SLC25A21: variants seen among roughly 807,000 people sequenced by gnomAD.
The protein encoded by SLC25A21 is solute carrier family 25 member 21.
SLC25A21 carries 47 observed loss-of-function variants against 43.8 expected under a neutral mutation model. The observed-to-expected ratio is 1.07, with a 90% confidence interval of 0.85 to 1.37. The LOEUF (loss-of-function observed/expected upper bound fraction) is 1.37, where lower values mean the gene tolerates loss of function less well. Among genes scored for constraint, SLC25A21 ranks in the 40% most tolerant of loss-of-function variants. The pLI, the probability that SLC25A21 is intolerant of heterozygous loss-of-function variation, is 0.00. For missense variants in SLC25A21, 352 were observed against 350.2 expected (o/e 1.00, Z -0.04); for synonymous variants, 131 against 121.3 (o/e 1.08, Z -0.52).
In SLC25A21 at chr14:36,813,908, A is replaced by C. The variant is rs1888360533; in HGVS notation, c.203+10T>G. The stretch of plus-strand genomic sequence containing the variant: ...ACATATTAAAATGGCTATATGAAGA[A>C]TATACATACCCTTCCATTTGGAAAA... On this transcript the variant is annotated intron_variant, in intron 3 of 9. Coordinates refer to ENST00000331299, the MANE Select transcript of SLC25A21 (RefSeq NM_030631.4). The C allele has an allele frequency of 2.6e-6, 4 of 1,543,868 alleles. No homozygotes were observed. Among genetic ancestry groups the C allele is most frequent in the Non-Finnish European group, 3.6e-6 (4 of 1,126,380 alleles).
At position 36,917,258 on chromosome 14, in the gene SLC25A21, C is replaced by T. The variant is rs537501063; in HGVS notation, c.71-42254G>A. 2.0e-5 allele frequency among the ~76,000 whole-genome samples: 3 copies of T among 152,202 alleles called. No individual in the cohort carries two copies. In the South Asian group the frequency reaches 6.2e-4, roughly 32 times the overall value. Reference sequence around the variant, plus strand: ...ATTCCCCTCATCCAGGCCTTCACCCCTACCCTGGCCTCTTTCTCCTAAGTG... The same window carrying T: ...ATTCCCCTCATCCAGGCCTTCACCCTTACCCTGGCCTCTTTCTCCTAAGTG... On this transcript the variant is annotated intron_variant, in intron 1 of 9. Coordinates refer to ENST00000331299, the MANE Select transcript of SLC25A21 (RefSeq NM_030631.4).
chr14:36,714,387 A>G (rs964617208), intron 6 of SLC25A21, among the ~76,000 whole-genome samples: 8 of 152,214 alleles, frequency 5.3e-5, no homozygotes, highest in African/African-American at 1.9e-4. Context: ...AGACCCAACC[A>G]AATTCAATGC....
At chr14:36,906,566 C>G (rs1891541019) in intron 1 of SLC25A21, among the ~76,000 whole-genome samples, 1 of 151,478 alleles carries the variant, frequency 6.6e-6, no homozygotes, top group Admixed American at 6.6e-5. Flanking sequence ...AGTGCAGTGG[C>G]ATGATCTCGG....
chr14:37,008,369 A>G (rs372000130), intron 1 of SLC25A21, among the ~76,000 whole-genome samples: 1 of 152,130 alleles, frequency 6.6e-6, no homozygotes, highest in African/African-American at 2.4e-5. Flanking sequence ...TTTGTATGAA[A>G]AATGTACAGG....
intron 4 of SLC25A21, among the ~76,000 whole-genome samples, chr14:36,732,819 A>G (rs1359236245): frequency 6.6e-6 from 1 of 152,232 alleles, no homozygotes; most frequent in African/African-American, 2.4e-5. Flanking sequence ...AACTAGTGCT[A>G]TCCATCTGGC....
At chr14:36,805,943 A>T (rs2138428809) in intron 3 of SLC25A21, among the ~76,000 whole-genome samples, 1 of 152,240 alleles carries the variant, frequency 6.6e-6, no homozygotes, top group South Asian at 2.1e-4. Flanking sequence ...GGCTGGGTGC[A>T]GTAGCTCACA....
intron 7 of SLC25A21, among the ~76,000 whole-genome samples, chr14:36,705,599 T>C (rs1228898424): frequency 6.6e-6 from 1 of 152,304 alleles, no homozygotes. Flanking sequence ...TCTCTGCCTC[T>C]GTCTCTGTCT....
chr14:36,729,369 T>G (rs965987799), intron 5 of SLC25A21, 138 bp downstream of exon 5: 2 of 628,928 alleles, frequency 3.2e-6, no homozygotes, highest in Non-Finnish European at 5.2e-6. Flanking sequence ...GAAGATGGCT[T>G]TCAACAAGTA....
intron 1 of SLC25A21, among the ~76,000 whole-genome samples, chr14:37,052,966 T>C (rs1383632248): frequency 2.0e-5 from 3 of 152,208 alleles, no homozygotes; most frequent in East Asian, 3.9e-4. Flanking sequence ...AGATTATTTG[T>C]CCTTTATATA....
At chr14:37,106,514 G>C (rs1386717311) in intron 1 of SLC25A21, among the ~76,000 whole-genome samples, 1 of 152,072 alleles carries the variant, frequency 6.6e-6, no homozygotes, top group Non-Finnish European at 1.5e-5. Flanking sequence ...TTTAAGGTCA[G>C]ACCGGTTCTC....
At chr14:36,993,906 C>A (rs1404038706) in intron 1 of SLC25A21, among the ~76,000 whole-genome samples, 1 of 152,040 alleles carries the variant, frequency 6.6e-6, no homozygotes, top group Non-Finnish European at 1.5e-5. Flanking sequence ...ACAACAACAA[C>A]AAAATAAGTC....
intron 1 of SLC25A21, among the ~76,000 whole-genome samples, chr14:37,157,182 C>T (rs1027613003): frequency 6.6e-6 from 1 of 152,106 alleles, no homozygotes; most frequent in African/African-American, 2.4e-5. Context: ...CATGGGGAAA[C>T]ACTATCTCTC....
intron 5 of SLC25A21, among the ~76,000 whole-genome samples, chr14:36,727,107 G>A (rs77955799): frequency 0.012 from 1,820 of 152,218 alleles, 32 homozygotes; most frequent in African/African-American, 0.041. Flanking sequence ...AGGGTGCTTG[G>A]AGGCTGGAAT....
At chr14:36,829,047 A>AC (rs1888939191) in intron 2 of SLC25A21, among the ~76,000 whole-genome samples, 1 of 151,930 alleles carries the variant, frequency 6.6e-6, no homozygotes, top group South Asian at 2.1e-4. Flanking sequence ...GACTACAGAC[A>AC]CCCACCACAC....
intron 1 of SLC25A21, among the ~76,000 whole-genome samples, chr14:37,069,189 A>G (rs1447834900): frequency 2.0e-5 from 3 of 152,130 alleles, no homozygotes; most frequent in Admixed American, 2.0e-4. Flanking sequence ...AGAAAAAAAA[A>G]AAACTTAAGG....
intron 1 of SLC25A21, among the ~76,000 whole-genome samples, chr14:37,138,344 T>C (rs551447757): frequency 6.6e-6 from 1 of 152,332 alleles, no homozygotes; most frequent in South Asian, 2.1e-4. Flanking sequence ...ATATTCAAAA[T>C]TTATAAGATA....
At chr14:36,743,060 C>T (rs1284808805) in intron 3 of SLC25A21, among the ~76,000 whole-genome samples, 1 of 152,130 alleles carries the variant, frequency 6.6e-6, no homozygotes, top group African/African-American at 2.4e-5. Flanking sequence ...GAGGTAAGTC[C>T]ATGGCTCCAT....
chr14:36,769,720 AC>A (rs1215887798), intron 3 of SLC25A21, among the ~76,000 whole-genome samples: 1 of 152,220 alleles, frequency 6.6e-6, no homozygotes, highest in African/African-American at 2.4e-5. Context: ...TATTTTTCCT[AC>A]AAAAATAGAA....
At chr14:37,009,376 C>T (rs1361903227) in intron 1 of SLC25A21, among the ~76,000 whole-genome samples, 2 of 152,092 alleles carry the variant, frequency 1.3e-5, no homozygotes, top group South Asian at 2.1e-4. Flanking sequence ...ATCCCAGCTA[C>T]TCAAGAGGCT....
Sources: allele counts gnomAD v4.1 joint callset (sites outside exome capture counted in the v4.1 genomes callset), GRCh38; gene constraint gnomAD v4.1.1; transcripts MANE v1.5; gene names NCBI Gene and HGNC (gene_info 2026-07-23, HGNC 2026-07-21).